Variants in EDIL3 observed in about 807,000 individuals in gnomAD.
EDIL3 encodes EGF-like repeat and discoidin I-like domain-containing protein 3.
EDIL3 carries 37 observed loss-of-function variants against 67.4 expected under a neutral mutation model. The observed-to-expected ratio is 0.55, with a 90% CI of 0.42 to 0.72. The LOEUF (loss-of-function observed/expected upper bound fraction) is 0.72, where lower values mean the gene tolerates loss of function less well. EDIL3 is among the 30% of genes least tolerant of loss of function. EDIL3 has a pLI of 0.00. For synonymous variants in EDIL3, 195 were observed against 196.3 expected (o/e 0.99, Z 0.05); for missense variants, 527 against 586.3 (o/e 0.90, Z 1.04).
intron 6 of EDIL3, among the ~76,000 whole-genome samples, chr5:84,091,950 C>T (rs1046969925): frequency 6.6e-6 from 1 of 152,112 alleles, no homozygotes; most frequent in African/African-American, 2.4e-5. Flanking sequence ...CAAGGGAATA[C>T]TGGAGAGTGC....
At chr5:84,259,506 G>A (rs1394392473) in intron 1 of EDIL3, among the ~76,000 whole-genome samples, 2 of 152,188 alleles carry the variant, frequency 1.3e-5, no homozygotes, top group Middle Eastern at 3.2e-3. Context: ...TCCATCTGCA[G>A]TTTATGGCAG....
At chr5:84,105,800 T>A (rs1034478595) in intron 6 of EDIL3, among the ~76,000 whole-genome samples, 1 of 152,062 alleles carries the variant, frequency 6.6e-6, no homozygotes, top group Non-Finnish European at 1.5e-5. Context: ...GTTCCCTGGA[T>A]GTTCAGTCTC....
chr5:84,038,323 A>G (rs1198084679), intron 9 of EDIL3, among the ~76,000 whole-genome samples: 2 of 151,914 alleles, frequency 1.3e-5, no homozygotes, highest in Non-Finnish European at 2.9e-5. Context: ...CCCTACTTCT[A>G]TTTCCCACAA....
intron 1 of EDIL3, among the ~76,000 whole-genome samples, chr5:84,329,333 T>C (rs1008537394): frequency 7.9e-5 from 12 of 152,136 alleles, no homozygotes. Flanking sequence ...TGTGCTGATA[T>C]TTTTCTGTAA....
At chr5:84,154,848 C>T (rs901731438) in intron 4 of EDIL3, among the ~76,000 whole-genome samples, 2 of 151,682 alleles carry the variant, frequency 1.3e-5, no homozygotes, top group African/African-American at 4.8e-5. Context: ...TACAAGCGCC[C>T]GCCACCACGC....
In EDIL3 at chr5:84,075,917, CAG is replaced by C. The variant is rs1491075401; in HGVS notation, c.652-9313_652-9312del. Among the ~76,000 whole-genome samples the C allele has an allele frequency of 2.9e-3, 414 of 141,776 alleles. 2 individuals are homozygous for C. Among genetic ancestry groups the C allele is most frequent in the African/African-American group, 6.7e-3 (261 of 38,846 alleles). The allele number at this position is 141,776 out of a possible 152,430, so 93.0% of individuals were successfully genotyped here. A position where few individuals can be genotyped will look rare whatever the true frequency, so the allele number is the denominator to read the frequency against. On this transcript the variant is annotated intron_variant, in intron 6 of 10. Transcript: ENST00000296591. Reference sequence around the variant, plus strand: ...ACACACACACACACACACACACACACAGACACACACTCACGTGCCATTGTGGG... The same window carrying C: ...ACACACACACACACACACACACACACACACACACTCACGTGCCATTGTGGG...
chr5:84,008,777 G>C (rs964206238), intron 9 of EDIL3, among the ~76,000 whole-genome samples: 3 of 151,970 alleles, frequency 2.0e-5, no homozygotes, highest in African/African-American at 7.2e-5. Flanking sequence ...ATGAACGAGA[G>C]AGGGAATATC....
intron 1 of EDIL3, among the ~76,000 whole-genome samples, chr5:84,348,748 A>G (rs1747290186): frequency 6.6e-6 from 1 of 152,174 alleles, no homozygotes; most frequent in African/African-American, 2.4e-5. Context: ...TCACCAACAC[A>G]CAGAAGGTCT....
At chr5:84,064,431 A>T (rs1359782970) in intron 8 of EDIL3, among the ~76,000 whole-genome samples, 1 of 152,116 alleles carries the variant, frequency 6.6e-6, no homozygotes, top group Non-Finnish European at 1.5e-5. Context: ...AAAAGTGACA[A>T]TTTTCCCGTG....
Position 84,180,804 on chromosome 5 carries a change from T to C in EDIL3, c.227-283A>G, listed in dbSNP as rs1383735812. ...AAAAATTTGCCTTAAGAGGTTATAA[T>C]ACAGATGAAAAGAGTTCATACATAT... On this transcript the variant is annotated intron_variant, in intron 3 of 10. Transcript: ENST00000296591. Among the ~76,000 whole-genome samples the C allele has an allele frequency of 2.0e-5, 3 of 152,284 alleles. No individual in the cohort carries two copies. In the South Asian group the frequency reaches 6.2e-4, roughly 32 times the overall value.
At chr5:84,111,200 T>C (rs570900133) in intron 5 of EDIL3, among the ~76,000 whole-genome samples, 2 of 152,280 alleles carry the variant, frequency 1.3e-5, no homozygotes, top group Non-Finnish European at 2.9e-5. Flanking sequence ...CCTATACAGC[T>C]TGTGGAATGG....
chr5:84,175,048 T>A lies in EDIL3; in HGVS notation c.355+5345A>T, dbSNP rs1180228280. On this transcript the variant is annotated intron_variant, in intron 4 of 10. Transcript: ENST00000296591. ...AAGTGAAAATGCTATTTAAACTGCA[T>A]GCTTTCTGTAGGCGGTGGCAGTTCT... Among the ~76,000 whole-genome samples, 5 of 152,308 alleles carry A rather than the reference T, an allele frequency of 3.3e-5. No individual in the cohort carries two copies. In the East Asian group the frequency reaches 7.7e-4, roughly 24 times the overall value.
chr5:84,122,872 G>A (rs561904091), intron 5 of EDIL3, among the ~76,000 whole-genome samples: 1 of 152,056 alleles, frequency 6.6e-6, no homozygotes, highest in East Asian at 1.9e-4. Context: ...TCTTCTTTGT[G>A]CAAAGCAGAG....
At chr5:84,343,116 T>C (rs1352883831) in intron 1 of EDIL3, among the ~76,000 whole-genome samples, 1 of 152,122 alleles carries the variant, frequency 6.6e-6, no homozygotes, top group Non-Finnish European at 1.5e-5. Context: ...CTACATTATA[T>C]ATCTTCTTTA....
At chr5:84,116,479 TA>T (rs1220738796) in intron 5 of EDIL3, among the ~76,000 whole-genome samples, 2 of 152,174 alleles carry the variant, frequency 1.3e-5, no homozygotes, top group Non-Finnish European at 2.9e-5. Context: ...GTCAGGGACC[TA>T]AACATTCTTG....
chr5:84,151,422 T>A (rs1265939204), intron 4 of EDIL3, among the ~76,000 whole-genome samples: 2 of 151,950 alleles, frequency 1.3e-5, no homozygotes, highest in Non-Finnish European at 2.9e-5. Flanking sequence ...GCAGTCCAAA[T>A]GAAAAGAGGC....
At chr5:84,113,284 T>C (rs1237552447) in intron 5 of EDIL3, among the ~76,000 whole-genome samples, 2 of 152,194 alleles carry the variant, frequency 1.3e-5, no homozygotes, top group Admixed American at 6.5e-5. Context: ...GGTACGACAA[T>C]AATCCTAAAT....
intron 4 of EDIL3, among the ~76,000 whole-genome samples, chr5:84,150,410 T>C (rs1301789729): frequency 6.6e-6 from 1 of 152,092 alleles, no homozygotes; most frequent in African/African-American, 2.4e-5. Flanking sequence ...AACTTGTATA[T>C]ACAACATATA....
At chr5:84,044,912 G>A (rs1015409909) in intron 9 of EDIL3, among the ~76,000 whole-genome samples, 1 of 152,104 alleles carries the variant, frequency 6.6e-6, no homozygotes, top group African/African-American at 2.4e-5. Context: ...GGAGTGTAAA[G>A]CCAAAGAGTA....
Sources: gnomAD v4.1 joint callset for allele counts (sites outside exome capture counted in the v4.1 genomes callset) on GRCh38, gnomAD v4.1.1 for gene constraint, MANE v1.5 for transcripts, NCBI Gene and HGNC (gene_info 2026-07-23, HGNC 2026-07-21) for gene names.